The following ZBTB14 variants were observed in gnomAD, a reference collection of about 807,000 sequenced individuals.
The protein encoded by ZBTB14 is zinc finger and BTB domain containing 14.
Under a neutral mutation model 29.5 loss-of-function variants are expected in ZBTB14, and 8 were observed. The observed-to-expected ratio is 0.27, with a 90% CI of 0.16 to 0.49. The LOEUF is 0.49. ZBTB14 is among the 20% of genes least tolerant of loss of function. ZBTB14 has a pLI of 0.99. For missense variants in ZBTB14, 333 were observed against 563.8 expected (o/e 0.59, Z 4.15); for synonymous variants, 226 against 207.2 (o/e 1.09, Z -0.78).
At chr18:5,296,934 C>T (rs916182438), upstream of ZBTB14, 1 of 152,148 alleles carries the variant, frequency 6.6e-6, no homozygotes, top group African/African-American at 2.4e-5. Flanking sequence ...ACGTCGCCTT[C>T]CCTCTGACGC....
In ZBTB14 at chr18:5,293,294, G is replaced by A. The variant is rs1567907978; in HGVS notation, c.-48C>T. The A allele has an allele frequency of 1.9e-6, 3 of 1,610,780 alleles. No individual in the cohort carries two copies. The highest frequency in any genetic ancestry group is 1.3e-5 in the African/African-American group (1 of 74,796). ...AATGCCTTGAACGCCAAAATCTTCAGATCAGAGTAACTCTGATCAGGAGCA... is the reference window on the plus strand; with the variant it reads ...AATGCCTTGAACGCCAAAATCTTCAAATCAGAGTAACTCTGATCAGGAGCA... On this transcript the variant is annotated 5_prime_UTR_variant, in exon 3 of 4. Transcript: ENST00000651870.
At chr18:5,294,427 G>C (rs1038732657) in intron 1 of ZBTB14, among the ~76,000 whole-genome samples, 1 of 152,214 alleles carries the variant, frequency 6.6e-6, no homozygotes, top group Admixed American at 6.5e-5. Flanking sequence ...AGAGAGAGGA[G>C]TGGCCTTAGA....
At chr18:5,294,620 G>A (rs770091449) in intron 1 of ZBTB14, among the ~76,000 whole-genome samples, 11 of 152,200 alleles carry the variant, frequency 7.2e-5, no homozygotes, top group Admixed American at 2.6e-4. Context: ...CTCAGTTCAG[G>A]TGAGTCAAAA....
chr18:5,295,174 G>C (rs998267296), intron 1 of ZBTB14, among the ~76,000 whole-genome samples: 1 of 144,676 alleles, frequency 6.9e-6, no homozygotes, highest in African/African-American at 2.5e-5. Flanking sequence ...GCGTGCGGCC[G>C]GCTCCGCAGC....
chr18:5,292,526 T>C (rs1160617458), intron 3 of ZBTB14, among the ~76,000 whole-genome samples: 2 of 152,230 alleles, frequency 1.3e-5, no homozygotes, highest in Admixed American at 6.5e-5. Context: ...GAGACAAAGT[T>C]AGAAATCTGC....
At chr18:5,295,091 G>A (rs1300261375) in intron 1 of ZBTB14, among the ~76,000 whole-genome samples, 1 of 151,064 alleles carries the variant, frequency 6.6e-6, no homozygotes, top group African/African-American at 2.4e-5. Context: ...CGCAGGCTTG[G>A]GACCGCGGCT....
At chr18:5,292,266 C>CTAAGTTTAGTAATTATAAATAGT in intron 3 of ZBTB14, 62 bp from the exon 4 acceptor site, 2 of 1,290,136 alleles carry the variant, frequency 1.6e-6, no homozygotes, top group Non-Finnish European at 2.0e-6. Context: ...AGAACACAGT[C>CTAAGTTTAGTAATTATAAATAGT]ACATTTTCAT....
At chr18:5,296,201 C>A (rs2071960389), upstream of ZBTB14, 1 of 151,350 alleles carries the variant, frequency 6.6e-6, no homozygotes, top group South Asian at 2.1e-4. Context: ...ACTACGGGGC[C>A]GCCCCCGGAG....
In ZBTB14 at chr18:5,290,646, C is replaced by T; in HGVS notation, c.*212G>A. 3.2e-6 allele frequency: 2 copies of T among 622,506 alleles called. No individual in the cohort carries two copies. Among genetic ancestry groups the T allele is most frequent in the Non-Finnish European group, 5.2e-6 (2 of 385,118 alleles). 38.6% of individuals were successfully genotyped at this position (622,506 alleles called of 1,614,324 possible). A position where few individuals can be genotyped will look rare whatever the true frequency, so the allele number is the denominator to read the frequency against. On this transcript the variant is annotated 3_prime_UTR_variant, in exon 4 of 4. Coordinates refer to ENST00000651870, the MANE Select transcript of ZBTB14 (RefSeq NM_001243702.2). ...CTTACTGGGCAACATTAATACTAGACACCAGACAAGACAGTGAAACGGTTT... is the reference window on the plus strand; with the variant it reads ...CTTACTGGGCAACATTAATACTAGATACCAGACAAGACAGTGAAACGGTTT...
At position 5,291,466 on chromosome 18, in the gene ZBTB14, C is replaced by G; in HGVS notation, c.742G>C (p.Val248Leu). The change falls in exon 4 of 4, where the codon GTG (valine) becomes CTG (leucine). Residue 248 changes from valine to leucine, a missense_variant. Coordinates refer to ENST00000651870, the MANE Select transcript of ZBTB14 (RefSeq NM_001243702.2). This position sits in a 1 kb window ranked among gnomAD's most constrained non-coding sequence, Gnocchi z 5.8. ...CAGCCTGGTGTCTGTTCATCTTTCACTTCACTCATCCCATCATTAAATGTT... is the reference window on the plus strand; with the variant it reads ...CAGCCTGGTGTCTGTTCATCTTTCAGTTCACTCATCCCATCATTAAATGTT... ...ALTFNDGMSE[V>L]KDEQTPGWTT... 6.2e-7 allele frequency: 1 copy of G among 1,614,214 alleles called. No homozygotes were observed. The highest frequency in any genetic ancestry group is 8.5e-7 in the Non-Finnish European group (1 of 1,180,040).
At position 5,290,763 on chromosome 18, in the gene ZBTB14, G is replaced by A. The variant is rs954744593; in HGVS notation, c.*95C>T. On this transcript the variant is annotated 3_prime_UTR_variant, in exon 4 of 4. Transcript: ENST00000651870. The stretch of plus-strand genomic sequence containing the variant: ...GTCCAGTGAGTACAATGTTCCATAC[G>A]TTTCCACAAAAATATTGTAACTGGC... 18 of 1,525,208 alleles carry A rather than the reference G, an allele frequency of 1.2e-5. No individual in the cohort carries two copies. Among genetic ancestry groups the A allele is most frequent in the Middle Eastern group, 1.8e-4 (1 of 5,630 alleles). The allele number at this position is 1,525,208 out of a possible 1,614,324, so 94.5% of individuals were successfully genotyped here. A position where few individuals can be genotyped will look rare whatever the true frequency, so the allele number is the denominator to read the frequency against.
chr18:5,291,824 A>G lies in ZBTB14; in HGVS notation c.384T>C (p.Arg128=), dbSNP rs1287251441. 29 of 1,614,050 alleles carry G rather than the reference A, an allele frequency of 1.8e-5. No homozygotes were observed. Among genetic ancestry groups the G allele is most frequent in the Non-Finnish European group, 2.4e-5 (28 of 1,179,976 alleles). ...TGTTTTCATCGGGACTGGACACATC[A>G]CGCTTCTGAGAACACAGTTTATCCA... is the stretch of plus-strand genomic sequence containing the variant. The part of the protein sequence containing the change: ...RFLDKLCSQK[R]DVSSPDENNG... Residue 128 remains arginine, a synonymous_variant, in exon 4 of 4, where the codon CGT becomes CGC. Coordinates refer to ENST00000651870, the MANE Select transcript of ZBTB14 (RefSeq NM_001243702.2). The surrounding 1 kb of genome is among the most constrained non-coding windows in gnomAD (Gnocchi z 5.8).
chr18:5,292,127 A>AT lies in ZBTB14; in HGVS notation c.80dup (p.Asn27LysfsTer2), dbSNP rs2071829583. On this transcript the variant is annotated frameshift_variant, in exon 4 of 4. Transcript: ENST00000651870. LOFTEE classifies it high-confidence loss of function. The stretch of plus-strand genomic sequence containing the variant: ...AAAATTCTCCTTCCAGGCGTTGTTC[A>AT]TTTAGTGTTTTCAGAAACAGAGTTT... The AT allele has an allele frequency of 6.2e-7, 1 of 1,601,416 alleles. No homozygotes were observed. Among genetic ancestry groups the AT allele is most frequent in the Admixed American group, 1.7e-5 (1 of 59,624 alleles).
rs749296377 is a variant in ZBTB14 at position 5,291,309 on chromosome 18, G to A, written c.899C>T (p.Thr300Met). The change falls in exon 4 of 4, where the codon ACG (threonine) becomes ATG (methionine). Residue 300 changes from threonine (T) to methionine (M), a missense_variant. Transcript: ENST00000651870. The surrounding 1 kb of genome is among the most constrained non-coding windows in gnomAD (Gnocchi z 5.8). ...GRLRKHEKLH[T>M]ADRPFVCEMC... is the part of the protein sequence containing the mutation. ...TTCACAAACAAATGGCCTGTCCGCC[G>A]TGTGGAGTTTCTCATGCTTCCTCAA... 31 of 1,614,102 alleles carry A rather than the reference G, an allele frequency of 1.9e-5. No homozygotes were observed. The highest frequency in any genetic ancestry group is 8.8e-5 in the South Asian group (8 of 91,086).
At chr18:5,295,338 G>A (rs1444986587) in intron 1 of ZBTB14, among the ~76,000 whole-genome samples, 2 of 144,516 alleles carry the variant, frequency 1.4e-5, no homozygotes, top group African/African-American at 5.0e-5. Context: ...GGGCGCACCC[G>A]GGAGTGCGTG....
rs1480374380 is a variant in ZBTB14 at position 5,289,996 on chromosome 18, CAATT to C, written c.*858_*861del. 6.6e-6 allele frequency: 1 copy of C among 152,162 alleles called. No individual in the cohort carries two copies. The highest frequency in any genetic ancestry group is 1.5e-5 in the Non-Finnish European group (1 of 68,026). 9.4% of individuals were successfully genotyped at this position (152,162 alleles called of 1,614,324 possible). On this transcript the variant is annotated 3_prime_UTR_variant, in exon 4 of 4. Transcript: ENST00000651870. ...CTAAATAAAAATCCAATTTCAAAAT[CAATT>C]AAGATTTTAATCTAGGAAATCTTGG... is the stretch of plus-strand genomic sequence containing the variant.
Position 5,290,945 on chromosome 18 carries a change from A to G in ZBTB14, c.1263T>C (p.Ser421=). 2 of 1,614,254 alleles carry G rather than the reference A, an allele frequency of 1.2e-6. No homozygotes were observed. The highest frequency in any genetic ancestry group is 1.7e-6 in the Non-Finnish European group (2 of 1,180,046). Residue 421 remains serine, a synonymous_variant, in exon 4 of 4, where the codon AGT becomes AGC. Transcript: ENST00000651870. The part of the protein sequence containing the change: ...MHSERKQVTP[S]AIQSETEQLQ... ...ACTGTTCTGTCTCGCTCTGGATGGC[A>G]CTGGGGGTAACCTGCTTCCTTTCAC...
At chr18:5,294,968 C>T (rs899815596) in intron 1 of ZBTB14, 1 of 152,156 alleles carries the variant, frequency 6.6e-6, no homozygotes, top group Non-Finnish European at 1.5e-5. Flanking sequence ...TTTCTTTGGG[C>T]CTGGGAGGTG....
In ZBTB14 at chr18:5,291,275, T is replaced by C. The variant is rs2071807084; in HGVS notation, c.933A>G (p.Thr311=). 3 of 1,614,146 alleles carry C rather than the reference T, an allele frequency of 1.9e-6. No homozygotes were observed. The highest frequency in any genetic ancestry group is 1.7e-5 in the Admixed American group (1 of 60,016). ...GGTGGGCCTGTGTGGTGAAACCTTTTGTGCACATTTCACAAACAAATGGCC... is the reference window on the plus strand; with the variant it reads ...GGTGGGCCTGTGTGGTGAAACCTTTCGTGCACATTTCACAAACAAATGGCC... ...ADRPFVCEMC[T]KGFTTQAHLK... is the part of the protein sequence containing the mutation. The change falls in exon 4 of 4, where the codon ACA becomes ACG. Residue 311 remains threonine (T), a synonymous_variant. Coordinates refer to ENST00000651870, the MANE Select transcript of ZBTB14 (RefSeq NM_001243702.2). This position sits in a 1 kb window ranked among gnomAD's most constrained non-coding sequence, Gnocchi z 5.8.
Sources: allele counts gnomAD v4.1 joint callset (sites outside exome capture counted in the v4.1 genomes callset), GRCh38; gene constraint gnomAD v4.1.1; non-coding constraint Gnocchi (gnomAD v3.1); transcripts MANE v1.5; gene names NCBI Gene and HGNC (gene_info 2026-07-23, HGNC 2026-07-21).